Variants in SPATA7 observed in about 807,000 individuals in gnomAD.
The protein encoded by SPATA7 is spermatogenesis associated 7, also known as spermatogenesis-associated protein 7.
A neutral mutation model predicts 51.8 loss-of-function variants in SPATA7; 43 were observed. The ratio of observed to expected loss-of-function variants is 0.83; its 90% CI spans 0.65 to 1.07. SPATA7 has a LOEUF of 1.07. Among genes scored for constraint, SPATA7 ranks in the 50% least tolerant of loss-of-function variants. SPATA7 has a pLI of 0.00. For missense variants in SPATA7, 683 were observed against 701.3 expected (o/e 0.97, Z 0.30); for synonymous variants, 230 against 252.8 (o/e 0.91, Z 0.86).
At chr14:88,437,800 C>A (rs1449701536) in intron 11 of SPATA7, 38 bp from the exon 12 acceptor site, 3 of 1,545,296 alleles carry the variant, frequency 1.9e-6, no homozygotes. Context: ...TAATTTGACT[C>A]AATTAATGTA....
At chr14:88,438,917 T>C (rs1330429311), downstream of SPATA7, among the ~76,000 whole-genome samples, 1 of 152,198 alleles carries the variant, frequency 6.6e-6, no homozygotes, top group African/African-American at 2.4e-5. Context: ...AGTGACTTTC[T>C]ATCACCTTTA....
At chr14:88,454,865 C>CATT (rs1415313797) in intron 3 of SPATA7, among the ~76,000 whole-genome samples, 2 of 152,072 alleles carry the variant, frequency 1.3e-5, no homozygotes, top group African/African-American at 2.4e-5. Context: ...TATAGCTTGG[C>CATT]TATACAATGA....
At chr14:88,432,961 C>A in intron 9 of SPATA7, 174 bp from the exon 10 acceptor site, 1 of 584,178 alleles carries the variant, frequency 1.7e-6, no homozygotes, top group Non-Finnish European at 3.0e-6. Flanking sequence ...TTTATCCTTG[C>A]ATAATTTGAG....
intron 9 of SPATA7, among the ~76,000 whole-genome samples, chr14:88,431,949 T>A (rs59768381): frequency 0.035 from 5,368 of 152,292 alleles, 310 homozygotes; most frequent in African/African-American, 0.12. Context: ...TCTCGAATTT[T>A]TTTGAGAAAT....
At chr14:88,461,661 TGAGGCGATGCCTCACC>T in intron 4 of SPATA7, among the ~76,000 whole-genome samples, 1 of 151,590 alleles carries the variant, frequency 6.6e-6, no homozygotes, top group South Asian at 2.1e-4. Flanking sequence ...ACTTCCCGGC[TGAGGCGATGCCTCACC>T]CTGCTTTGGC....
At chr14:88,446,361 G>T (rs1369467179) in intron 3 of SPATA7, among the ~76,000 whole-genome samples, 1 of 152,078 alleles carries the variant, frequency 6.6e-6, no homozygotes, top group Non-Finnish European at 1.5e-5. Context: ...GCATCTATTT[G>T]ATTCTTCTCT....
intron 4 of SPATA7, chr14:88,406,700 T>C (rs1198575098): frequency 2.0e-5 from 3 of 152,168 alleles, no homozygotes; most frequent in African/African-American, 7.2e-5. Flanking sequence ...TGTGCCATGG[T>C]GGTTTGCTGC....
intron 4 of SPATA7, among the ~76,000 whole-genome samples, chr14:88,397,716 C>T (rs1387860289): frequency 6.6e-6 from 1 of 151,888 alleles, no homozygotes; most frequent in Non-Finnish European, 1.5e-5. Flanking sequence ...TATATCTACC[C>T]TTTGACCAGG....
chr14:88,441,002 C>T (rs1238988152), downstream of SPATA7, among the ~76,000 whole-genome samples: 1 of 152,130 alleles, frequency 6.6e-6, no homozygotes, highest in Non-Finnish European at 1.5e-5. Flanking sequence ...CCTCAGCCCC[C>T]AAAGTCCATT....
intron 5 of SPATA7, among the ~76,000 whole-genome samples, chr14:88,418,500 T>A (rs541485136): frequency 6.6e-6 from 1 of 152,290 alleles, no homozygotes; most frequent in South Asian, 2.1e-4. Flanking sequence ...TTTGAGATAA[T>A]GTCTTGCTCT....
chr14:88,445,322 T>A (rs1434720749), intron 3 of SPATA7, among the ~76,000 whole-genome samples: 2 of 151,294 alleles, frequency 1.3e-5, no homozygotes, highest in East Asian at 3.9e-4. Context: ...TTGTGATTTT[T>A]GTACATTGAT....
At chr14:88,459,345 G>C (rs2077303087), downstream of SPATA7, among the ~76,000 whole-genome samples, 1 of 152,172 alleles carries the variant, frequency 6.6e-6, no homozygotes, top group African/African-American at 2.4e-5. Flanking sequence ...CATTATTATT[G>C]TGTGGGAGTC....
At chr14:88,421,863 C>T (rs1362745918) in intron 5 of SPATA7, among the ~76,000 whole-genome samples, 1 of 151,380 alleles carries the variant, frequency 6.6e-6, no homozygotes, top group Non-Finnish European at 1.5e-5. Context: ...GCAGAAGAAT[C>T]GCTTGAGTCC....
chr14:88,468,411 T>G lies in SPATA7; in HGVS notation c.255-1436T>G. Reference sequence around the variant, plus strand: ...AGCGTCTTCTAGAAATAAGCCATGATTGCCTACTTCTGATTTTCTGATTAG... The same window carrying G: ...AGCGTCTTCTAGAAATAAGCCATGAGTGCCTACTTCTGATTTTCTGATTAG... On this transcript the variant is annotated intron_variant, in intron 4 of 4. Transcript: ENST00000556406. The G allele has an allele frequency of 4.0e-6, 3 of 754,780 alleles. No homozygotes were observed. In the South Asian group the frequency reaches 6.4e-5, roughly 16 times the overall value. 46.8% of individuals were successfully genotyped at this position (754,780 alleles called of 1,614,324 possible).
At chr14:88,391,971 A>G (rs1229957422) in intron 2 of SPATA7, among the ~76,000 whole-genome samples, 1 of 152,222 alleles carries the variant, frequency 6.6e-6, no homozygotes. Context: ...ATTATACCTT[A>G]GAAGTATAAG....
At chr14:88,456,761 G>A (rs1455118704), downstream of SPATA7, among the ~76,000 whole-genome samples, 3 of 152,098 alleles carry the variant, frequency 2.0e-5, no homozygotes, top group Non-Finnish European at 4.4e-5. Context: ...GGCTTTTGTT[G>A]CCATTGCTTT....
chr14:88,459,877 GCTT>G (rs200817486), downstream of SPATA7, among the ~76,000 whole-genome samples: 5,768 of 152,190 alleles, frequency 0.038, 351 homozygotes, highest in African/African-American at 0.13. Context: ...CATGTTTACT[GCTT>G]CTTTCAGGAG....
rs867184934 is a variant in SPATA7, at chr14:88,468,225, T to C, written c.255-1622T>C. 1.9e-6 allele frequency: 3 copies of C among 1,610,816 alleles called. No individual in the cohort carries two copies. In the African/African-American group the frequency reaches 4.0e-5, roughly 22 times the overall value. On this transcript the variant is annotated intron_variant, in intron 4 of 4. Transcript: ENST00000556406. Reference sequence around the variant, plus strand: ...GAGAGTCTGCACCAGCATCATTCTCTGTTGCCTCAGCATGTCCAGCACTCT... The same window carrying C: ...GAGAGTCTGCACCAGCATCATTCTCCGTTGCCTCAGCATGTCCAGCACTCT...
chr14:88,404,949 A>G (rs2076165244), intron 4 of SPATA7, among the ~76,000 whole-genome samples: 1 of 152,218 alleles, frequency 6.6e-6, no homozygotes, highest in Non-Finnish European at 1.5e-5. Flanking sequence ...GAGAAGACAA[A>G]CAATAAGCAA....
Sources: allele counts gnomAD v4.1 joint callset (sites outside exome capture counted in the v4.1 genomes callset), GRCh38; gene constraint gnomAD v4.1.1; transcripts MANE v1.5; gene names NCBI Gene and HGNC (gene_info 2026-07-23, HGNC 2026-07-21).